MICAL2: variants seen among roughly 807,000 people sequenced by gnomAD.
MICAL2 encodes the protein [F-actin]-monooxygenase MICAL2.
Under a neutral mutation model 127.3 loss-of-function variants are expected in MICAL2, and 77 were observed. The observed-to-expected ratio is 0.60, with a 90% confidence interval of 0.50 to 0.73. The LOEUF is 0.73. MICAL2 is among the 30% of genes least tolerant of loss of function. The pLI, the probability that MICAL2 is intolerant of heterozygous loss-of-function variation, is 0.00. For synonymous variants in MICAL2, 570 were observed against 551.1 expected, an observed-to-expected ratio of 1.03 and a Z score of -0.48; for missense variants, 1,351 against 1,434.4, an observed-to-expected ratio of 0.94 and a Z score of 0.94.
downstream of MICAL2, among the ~76,000 whole-genome samples, chr11:12,266,077 A>G (rs1863607933): frequency 6.6e-6 from 1 of 152,212 alleles, no homozygotes; most frequent in Non-Finnish European, 1.5e-5. Context: ...ATGCCACTGC[A>G]CTCCAGCTTG....
intron 3 of MICAL2, among the ~76,000 whole-genome samples, chr11:12,174,316 GA>G (rs1376352213): frequency 6.6e-6 from 1 of 151,920 alleles, no homozygotes; most frequent in Non-Finnish European, 1.5e-5. Flanking sequence ...TTGCAAAAAT[GA>G]AACTCTGTAC....
At chr11:12,275,856 G>A (rs10831776), upstream of MICAL2, 157,027 of 397,230 alleles carry the variant, frequency 0.4, 34,045 homozygotes, top group East Asian at 0.76. Context: ...GAGGTGGCAC[G>A]GAGGACAAGA....
intron 10 of MICAL2, 44 bp downstream of exon 10, chr11:12,221,803 C>G (rs770674205): frequency 6.5e-7 from 1 of 1,537,326 alleles, no homozygotes; most frequent in Middle Eastern, 2.1e-4. Context: ...GCAGGGCACT[C>G]AGGCAGGAAA....
At chr11:12,141,798 A>G (rs1336231840) in intron 2 of MICAL2, among the ~76,000 whole-genome samples, 1 of 152,228 alleles carries the variant, frequency 6.6e-6, no homozygotes, top group Non-Finnish European at 1.5e-5. Flanking sequence ...GTGACCAGAC[A>G]CTTTGGAGAA....
rs564404939 is a variant in MICAL2 at position 12,144,649 on chromosome 11, G to C, written c.-78+6189G>C. ...TCTGCAGCCTCCGAGCCATTACCAA[G>C]TAGGCAAATGTTATAGGACTTTCAA... On this transcript the variant is annotated intron_variant, in intron 2 of 27. Transcript: ENST00000683283. 2.6e-5 allele frequency among the ~76,000 whole-genome samples: 4 copies of C among 152,314 alleles called. No individual in the cohort carries two copies. The South Asian group carries it at 6.2e-4, about 24-fold the overall frequency.
chr11:12,343,548 T>C (rs16911116), intron 32 of MICAL2, among the ~76,000 whole-genome samples: 4,518 of 152,130 alleles, frequency 0.03, 161 homozygotes, highest in Admixed American at 0.1. Flanking sequence ...GGGAACTCTC[T>C]AACAGGCCAG....
chr11:12,133,150 C>T (rs760659789), intron 1 of MICAL2, among the ~76,000 whole-genome samples: 6 of 152,182 alleles, frequency 3.9e-5, no homozygotes, highest in Admixed American at 1.3e-4. Flanking sequence ...GGCACCATCT[C>T]GGCTCACTGC....
intron 29 of MICAL2, among the ~76,000 whole-genome samples, chr11:12,299,342 G>A (rs543005299): frequency 3.9e-5 from 6 of 152,044 alleles, no homozygotes; most frequent in African/African-American, 1.4e-4. Context: ...TGTTGCCTCC[G>A]CATTTAACTT....
At chr11:12,317,134 A>G (rs886375521) in intron 29 of MICAL2, among the ~76,000 whole-genome samples, 2 of 152,158 alleles carry the variant, frequency 1.3e-5, no homozygotes, top group African/African-American at 4.8e-5. Flanking sequence ...TCTTCTTTTC[A>G]TAGCTCCCTC....
At chr11:12,335,208 G>C (rs1259468065) in intron 32 of MICAL2, among the ~76,000 whole-genome samples, 2 of 151,042 alleles carry the variant, frequency 1.3e-5, no homozygotes, top group Admixed American at 6.6e-5. Context: ...GGCCAGTGAT[G>C]ATGAGCCTCT....
In MICAL2 at chr11:12,222,053, C is replaced by T. The variant is rs768276057; in HGVS notation, c.1322+294C>T. 2.6e-5 allele frequency among the ~76,000 whole-genome samples: 4 copies of T among 152,156 alleles called. No homozygotes were observed. The East Asian group carries it at 5.8e-4, about 22-fold the overall frequency. On this transcript the variant is annotated intron_variant, in intron 10 of 27. Coordinates refer to ENST00000683283, the MANE Select transcript of MICAL2 (RefSeq NM_001282663.2). ...GGGCTCCCCAGCATTGCTCATTCAC[C>T]GAAGAGCCAGAGAGGTTTATTTAAG... is the stretch of plus-strand genomic sequence containing the variant.
intron 3 of MICAL2, among the ~76,000 whole-genome samples, chr11:12,166,300 T>C (rs1011203113): frequency 1.3e-5 from 2 of 152,228 alleles, no homozygotes; most frequent in Non-Finnish European, 2.9e-5. Context: ...ACTGGTTTGC[T>C]CTTATATTCT....
rs201661403 is a variant in MICAL2, at chr11:12,244,128, A to G, written c.2784+16A>G. ...TGCCAGAAAGGTAGTTGTCCTGAAC[A>G]ATTTGCTTTCCCTATTCCCTGCATG... is the stretch of plus-strand genomic sequence containing the variant. On this transcript the variant is annotated intron_variant, in intron 21 of 27. Transcript: ENST00000683283. The G allele has an allele frequency of 1.8e-4, 284 of 1,613,988 alleles. No individual in the cohort carries two copies. Among genetic ancestry groups the G allele is most frequent in the Non-Finnish European group, 2.2e-4 (255 of 1,179,986 alleles).
intron 3 of MICAL2, among the ~76,000 whole-genome samples, chr11:12,193,912 A>G (rs1565136304): frequency 1.3e-5 from 2 of 152,238 alleles, no homozygotes; most frequent in East Asian, 1.9e-4. Flanking sequence ...CATGCTGGCT[A>G]TGTTACATCA....
chr11:12,266,744 T>G (rs1245484596), downstream of MICAL2, among the ~76,000 whole-genome samples: 1 of 152,242 alleles, frequency 6.6e-6, no homozygotes, highest in Non-Finnish European at 1.5e-5. Flanking sequence ...CGGTGCATGC[T>G]GAGGGCCTGG....
intron 2 of MICAL2, among the ~76,000 whole-genome samples, chr11:12,157,634 C>T (rs1854330834): frequency 6.6e-6 from 1 of 152,024 alleles, no homozygotes; most frequent in African/African-American, 2.4e-5. Context: ...CTCAAAAGGG[C>T]AACAGCTGGG....
chr11:12,311,485 C>G (rs867132098), intron 29 of MICAL2, among the ~76,000 whole-genome samples: 1 of 152,120 alleles, frequency 6.6e-6, no homozygotes, highest in Non-Finnish European at 1.5e-5. Flanking sequence ...GATCTTGACT[C>G]ACTGCAACCT....
At chr11:12,175,367 T>A (rs1053761179) in intron 3 of MICAL2, among the ~76,000 whole-genome samples, 2 of 151,772 alleles carry the variant, frequency 1.3e-5, no homozygotes, top group African/African-American at 2.4e-5. Context: ...TCCCAGCTAC[T>A]CAGGAGGCTA....
intron 3 of MICAL2, among the ~76,000 whole-genome samples, chr11:12,180,887 G>A (rs553486709): frequency 5.0e-4 from 76 of 151,460 alleles, no homozygotes; most frequent in Non-Finnish European, 3.4e-4. Context: ...GATACAGAGA[G>A]GGCTCAGAAA....
Sources: allele counts gnomAD v4.1 joint callset (sites outside exome capture counted in the v4.1 genomes callset), GRCh38; gene constraint gnomAD v4.1.1; transcripts MANE v1.5; gene names NCBI Gene and HGNC (gene_info 2026-07-23, HGNC 2026-07-21).